The following SLC5A5 variants were observed in gnomAD, a reference collection of about 807,000 sequenced individuals.
SLC5A5 encodes sodium/iodide cotransporter.
Under a neutral mutation model 68.6 loss-of-function variants are expected in SLC5A5, and 56 were observed. The observed-to-expected ratio is 0.82, with a 90% CI of 0.66 to 1.02. The LOEUF (loss-of-function observed/expected upper bound fraction) is 1.02, where lower values mean the gene tolerates loss of function less well. Among genes scored for constraint, SLC5A5 ranks in the 50% least tolerant of loss-of-function variants. The pLI, the probability that SLC5A5 is intolerant of heterozygous loss-of-function variation, is 0.00. For missense variants in SLC5A5, 807 were observed against 859.8 expected, an observed-to-expected ratio of 0.94 and a Z score of 0.77; for synonymous variants, 398 against 373.0, an observed-to-expected ratio of 1.07 and a Z score of -0.77.
At position 17,888,389 on chromosome 19, in the gene SLC5A5, C is replaced by T; in HGVS notation, c.1585C>T (p.Leu529Phe). 3.1e-6 allele frequency: 5 copies of T among 1,614,008 alleles called. No individual in the cohort carries two copies. The highest frequency in any genetic ancestry group is 4.2e-6 in the Non-Finnish European group (5 of 1,180,014). Reference protein sequence around the residue: ...LADSFYAISYLYYGALGTLTT... With the variant: ...LADSFYAISYFYYGALGTLTT... ...TGACAGCTTCTATGCCATCTCCTAT[C>T]TCTATTACGGTGCCCTGGGCACGCT... Residue 529 changes from leucine to phenylalanine, a missense_variant, in exon 13 of 15, where the codon CTC (leucine) becomes TTC (phenylalanine). Transcript: ENST00000222248.
intron 7 of SLC5A5, among the ~76,000 whole-genome samples, chr19:17,879,186 G>A (rs1376946652): frequency 6.6e-6 from 1 of 151,552 alleles, no homozygotes; most frequent in Non-Finnish European, 1.5e-5. Context: ...CCAGCTACTC[G>A]GGAGGCTGAG....
intron 1 of SLC5A5, 71 bp from the exon 2 acceptor site, chr19:17,874,067 A>G (rs530529803): frequency 5.4e-5 from 59 of 1,101,516 alleles, no homozygotes; most frequent in East Asian, 9.6e-5. Context: ...CCTAGAGAGC[A>G]GACCAGGGAC....
rs1421225800 is a variant in SLC5A5, at chr19:17,884,022, C to T, written c.1502C>T (p.Ala501Val). The T allele has an allele frequency of 6.4e-7, 1 of 1,571,246 alleles. No homozygotes were observed. ...SGLLDPALLP[A>V]NDSSRAPSSG... Reference sequence around the variant, plus strand: ...CTCCTGGACCCGGCTCTCCTCCCTGCTAACGACTCCAGCAGGGCCCCCAGG... The same window carrying T: ...CTCCTGGACCCGGCTCTCCTCCCTGTTAACGACTCCAGCAGGGCCCCCAGG... Residue 501 changes from alanine to valine, a missense_variant, in exon 12 of 15, where the codon GCT becomes GTT. Coordinates refer to ENST00000222248, the MANE Select transcript of SLC5A5 (RefSeq NM_000453.3).
chr19:17,879,445 C>A (rs1478323580), intron 7 of SLC5A5, among the ~76,000 whole-genome samples: 1 of 152,206 alleles, frequency 6.6e-6, no homozygotes, highest in East Asian at 1.9e-4. Flanking sequence ...CTGTTCCCTT[C>A]ACCAGCAGTT....
At chr19:17,886,740 G>A (rs1401740709) in intron 12 of SLC5A5, among the ~76,000 whole-genome samples, 2 of 152,122 alleles carry the variant, frequency 1.3e-5, no homozygotes, top group Non-Finnish European at 2.9e-5. Context: ...CCATCCTAGT[G>A]GGTGTGAAGT....
At chr19:17,876,856 G>A (rs999462720) in intron 5 of SLC5A5, among the ~76,000 whole-genome samples, 45 of 148,950 alleles carry the variant, frequency 3.0e-4, no homozygotes, top group African/African-American at 1.1e-3. Flanking sequence ...GAGAGACTCC[G>A]TCCCCCCCCT....
chr19:17,894,142 TC>T lies in SLC5A5; in HGVS notation c.*266del. ...AAATAAGGCTGGGTTTTTCTCTCTCTCTTTTTTTTTTTTTTTTTTTTTTGAG... is the reference window on the plus strand; with the variant it reads ...AAATAAGGCTGGGTTTTTCTCTCTCTTTTTTTTTTTTTTTTTTTTTTTGAG... On this transcript the variant is annotated 3_prime_UTR_variant, in exon 15 of 15. Coordinates refer to ENST00000222248, the MANE Select transcript of SLC5A5 (RefSeq NM_000453.3). 1.1e-5 allele frequency: 4 copies of T among 349,334 alleles called. No individual in the cohort carries two copies. The highest frequency in any genetic ancestry group is 4.6e-5 in the Admixed American group (1 of 21,818). 21.6% of individuals were successfully genotyped at this position (349,334 alleles called of 1,614,324 possible).
rs768366436 is a variant in SLC5A5, at chr19:17,883,861, G to A, written c.1341G>A (p.Ala447=). 1.3e-6 allele frequency: 2 copies of A among 1,592,210 alleles called. No homozygotes were observed. The change falls in exon 12 of 15, where the codon GCG becomes GCA. Residue 447 remains alanine (A), a synonymous_variant. Transcript: ENST00000222248. The part of the protein sequence containing the change: ...LPACNTPGVL[A]GLGAGLALSL... ...GGCTCTGCCCCCAGGGCGTCCTCGCGGGACTAGGCGCGGGCTTGGCGCTGT... is the reference window on the plus strand; with the variant it reads ...GGCTCTGCCCCCAGGGCGTCCTCGCAGGACTAGGCGCGGGCTTGGCGCTGT...
chr19:17,883,198 A>C (rs2094324783), intron 10 of SLC5A5, among the ~76,000 whole-genome samples: 1 of 151,960 alleles, frequency 6.6e-6, no homozygotes, highest in African/African-American at 2.4e-5. Context: ...GGCCTCAAGC[A>C]ACCACCCGCC....
In SLC5A5 at chr19:17,872,135, C is replaced by G; in HGVS notation, c.-185C>G. 3.4e-6 allele frequency: 2 copies of G among 592,746 alleles called. No individual in the cohort carries two copies. Among genetic ancestry groups the G allele is most frequent in the South Asian group, 4.0e-5 (2 of 50,074 alleles). The allele number at this position is 592,746 out of a possible 1,614,324, so 36.7% of individuals were successfully genotyped here. On this transcript the variant is annotated 5_prime_UTR_variant, in exon 1 of 15. Transcript: ENST00000222248. The stretch of plus-strand genomic sequence containing the variant: ...GGAGGCCGACACGGACATCGACAGC[C>G]CATAGATTCCTAACCCAGGGAGCCC...
chr19:17,887,927 T>C (rs2147750330), intron 12 of SLC5A5, among the ~76,000 whole-genome samples: 1 of 152,200 alleles, frequency 6.6e-6, no homozygotes, highest in South Asian at 2.1e-4. Flanking sequence ...TTTGATGAAG[T>C]CCAATTGATT....
chr19:17,883,422 A>AAG (rs959899923), intron 10 of SLC5A5, among the ~76,000 whole-genome samples: 12 of 151,768 alleles, frequency 7.9e-5, no homozygotes, highest in African/African-American at 2.9e-4. Flanking sequence ...TAAAAAAAAA[A>AAG]AAGAAGAAGA....
At chr19:17,885,285 A>T (rs547646377) in intron 12 of SLC5A5, among the ~76,000 whole-genome samples, 1 of 152,018 alleles carries the variant, frequency 6.6e-6, no homozygotes, top group Non-Finnish European at 1.5e-5. Flanking sequence ...TGCCAGGATG[A>T]CAGGTGTGGG....
At chr19:17,875,284 C>G (rs1599910974) in intron 4 of SLC5A5, among the ~76,000 whole-genome samples, 1 of 151,942 alleles carries the variant, frequency 6.6e-6, no homozygotes, top group East Asian at 1.9e-4. Flanking sequence ...GCAGGAGAAT[C>G]GCTTGAACCC....
At position 17,888,431 on chromosome 19, in the gene SLC5A5, G is replaced by T; in HGVS notation, c.1627G>T (p.Gly543Ter). 1 of 1,613,758 alleles carries T rather than the reference G, an allele frequency of 6.2e-7. No individual in the cohort carries two copies. The highest frequency in any genetic ancestry group is 8.5e-7 in the Non-Finnish European group (1 of 1,179,988). The change falls in exon 13 of 15, where the codon GGA becomes TGA. Residue 543 changes from glycine to a stop codon, truncating the protein, a stop_gained. Coordinates refer to ENST00000222248, the MANE Select transcript of SLC5A5 (RefSeq NM_000453.3). LOFTEE classifies it high-confidence loss of function. ...GGGCACGCTGACCACTGTGCTGTGC[G>T]GAGCCCTCATCAGCTGCCTGACAGG... ...ALGTLTTVLC[G>*]ALISCLTGPT...
chr19:17,874,605 C>T (rs1853205819), intron 3 of SLC5A5, 59 bp from the exon 4 acceptor site: 1 of 1,612,456 alleles, frequency 6.2e-7, no homozygotes, highest in South Asian at 1.1e-5. Flanking sequence ...GAGAGGAGAA[C>T]CCAAGACTAA....
intron 5 of SLC5A5, 86 bp downstream of exon 5, chr19:17,876,192 G>C: frequency 7.2e-7 from 1 of 1,387,300 alleles, no homozygotes; most frequent in South Asian, 1.2e-5. Flanking sequence ...CACTTTGGGA[G>C]GCCGAGGCGG....
At chr19:17,888,516 C>T (rs960385270) in intron 13 of SLC5A5, 61 bp downstream of exon 13, 4 of 1,598,886 alleles carry the variant, frequency 2.5e-6, no homozygotes, top group Admixed American at 1.7e-5. Flanking sequence ...CCTCAAGGCT[C>T]CACCCAGCAG....
chr19:17,890,142 C>T (rs901327619), intron 13 of SLC5A5, among the ~76,000 whole-genome samples: 2 of 152,124 alleles, frequency 1.3e-5, no homozygotes. Context: ...GCGATGTTGG[C>T]TCACTGCAAC....
Sources: allele counts gnomAD v4.1 joint callset (sites outside exome capture counted in the v4.1 genomes callset), GRCh38; gene constraint gnomAD v4.1.1; transcripts MANE v1.5; gene names NCBI Gene and HGNC (gene_info 2026-07-23, HGNC 2026-07-21).